The following BOP1 variants were observed in gnomAD, a reference collection of about 807,000 sequenced individuals.
The protein encoded by BOP1 is ribosome biogenesis protein BOP1.
BOP1 carries 54 observed loss-of-function variants against 82.9 expected under a neutral mutation model. The observed-to-expected ratio is 0.65, with a 90% CI of 0.52 to 0.82. BOP1 has a LOEUF of 0.82. Among genes scored for constraint, BOP1 ranks in the 40% least tolerant of loss-of-function variants. The probability of loss-of-function intolerance (pLI) is 0.00; values close to 1 mark genes in which losing one functional copy is unlikely to be tolerated. For synonymous variants in BOP1, 566 were observed against 451.1 expected (o/e 1.25, Z -3.23); for missense variants, 1,170 against 1,072.0 (o/e 1.09, Z -1.28).
intron 2 of BOP1, among the ~76,000 whole-genome samples, chr8:144,280,606 A>G (rs1424662350): frequency 1.3e-5 from 2 of 152,208 alleles, no homozygotes; most frequent in Non-Finnish European, 2.9e-5. Context: ...TCATCCCAGC[A>G]CTTTGGGAGA....
chr8:144,263,107 T>G lies in BOP1; in HGVS notation c.1640A>C (p.Asp547Ala), dbSNP rs1196181982. 3 of 1,593,384 alleles carry G rather than the reference T, an allele frequency of 1.9e-6. No homozygotes were observed. The highest frequency in any genetic ancestry group is 2.5e-6 in the Non-Finnish European group (3 of 1,178,746). ...VTQVTWHGRGDYLAVVLATQG... is the reference protein window; with the variant it reads ...VTQVTWHGRGAYLAVVLATQG... ...GGTGGCCAGCACCACGGCCAGGTAG[T>G]CCCCACGCCCGTGCCAGGTCACCTG... Residue 547 changes from aspartate to alanine, a missense_variant, in exon 13 of 16, where the codon GAC becomes GCC. By Grantham distance (126) the Asp-to-Ala change is moderately radical. Coordinates refer to ENST00000569669, the MANE Select transcript of BOP1 (RefSeq NM_015201.5).
At chr8:144,287,768 G>C (rs1554839622) in intron 2 of BOP1, among the ~76,000 whole-genome samples, 3 of 152,154 alleles carry the variant, frequency 2.0e-5, no homozygotes, top group African/African-American at 7.2e-5. Context: ...GTGTATGTTA[G>C]TGGTATAATT....
intron 2 of BOP1, among the ~76,000 whole-genome samples, chr8:144,280,997 C>T (rs961649505): frequency 1.9e-4 from 28 of 150,460 alleles, no homozygotes; most frequent in African/African-American, 2.9e-4. Context: ...GGCCTTCTCT[C>T]ACTTTCATAC....
intron 2 of BOP1, among the ~76,000 whole-genome samples, chr8:144,279,863 T>C (rs1554838708): frequency 6.6e-6 from 1 of 152,118 alleles, no homozygotes; most frequent in East Asian, 1.9e-4. Flanking sequence ...GTACCCTTCG[T>C]GAACATGGCT....
chr8:144,279,172 G>A (rs587737431), intron 2 of BOP1, among the ~76,000 whole-genome samples: 70 of 141,636 alleles, frequency 4.9e-4, no homozygotes, highest in Admixed American at 1.7e-3. Context: ...CGACCACCAC[G>A]GGTCTCAAGA....
rs959358260 is a variant in BOP1, at chr8:144,267,462, G to A, written c.391-2391C>T. On this transcript the variant is annotated intron_variant, in intron 3 of 15. Coordinates refer to ENST00000569669, the MANE Select transcript of BOP1 (RefSeq NM_015201.5). Reference sequence around the variant, plus strand: ...CAAAGGGGCCCACCCAGGGCGGGGAGGCTGGGGAGCTGGACCAGGCCGCTG... The same window carrying A: ...CAAAGGGGCCCACCCAGGGCGGGGAAGCTGGGGAGCTGGACCAGGCCGCTG... 5.5e-3 allele frequency among the ~76,000 whole-genome samples: 835 copies of A among 152,372 alleles called. 5 individuals carry two copies. Among genetic ancestry groups the A allele is most frequent in the Non-Finnish European group, 9.1e-3 (616 of 68,030 alleles).
chr8:144,268,286 G>A, intron 3 of BOP1: 12 of 1,243,196 alleles, frequency 9.7e-6, no homozygotes, highest in South Asian at 1.4e-5. Flanking sequence ...TGCGAGCGGG[G>A]CCGAGGGACA....
chr8:144,283,519 C>T (rs1814775680), intron 2 of BOP1, among the ~76,000 whole-genome samples: 1 of 152,198 alleles, frequency 6.6e-6, no homozygotes, highest in Non-Finnish European at 1.5e-5. Flanking sequence ...CATTATATGG[C>T]ACAGGCTGGT....
chr8:144,270,385 G>A (rs747984285), intron 3 of BOP1, among the ~76,000 whole-genome samples: 1 of 152,160 alleles, frequency 6.6e-6, no homozygotes, highest in Non-Finnish European at 1.5e-5. Context: ...AGGGAACAAC[G>A]ACCTGGAGGC....
chr8:144,270,099 T>C (rs1483855633), intron 3 of BOP1, among the ~76,000 whole-genome samples: 4 of 151,642 alleles, frequency 2.6e-5, no homozygotes, highest in Non-Finnish European at 5.9e-5. Context: ...TGGGGACAAA[T>C]GGGATGGAAG....
At chr8:144,267,201 G>T in intron 3 of BOP1, 1 of 1,493,166 alleles carries the variant, frequency 6.7e-7, no homozygotes, top group Admixed American at 2.4e-5. Flanking sequence ...GCCGTGGGGC[G>T]CCGAGGGGGG....
intron 2 of BOP1, among the ~76,000 whole-genome samples, chr8:144,288,521 C>G (rs1356430511): frequency 6.6e-6 from 1 of 152,192 alleles, no homozygotes; most frequent in East Asian, 1.9e-4. Flanking sequence ...GAGTGAGACT[C>G]TGTCTCAAAA....
intron 3 of BOP1, among the ~76,000 whole-genome samples, chr8:144,274,296 C>T (rs933381809): frequency 2.0e-5 from 3 of 152,176 alleles, no homozygotes; most frequent in African/African-American, 2.4e-5. Flanking sequence ...TGCCCAGTGC[C>T]GAGGAGGACC....
Position 144,291,388 on chromosome 8 carries a change from C to A in BOP1, c.-18G>T. 1 of 1,179,252 alleles carries A rather than the reference C, an allele frequency of 8.5e-7. No individual in the cohort carries two copies. The highest frequency in any genetic ancestry group is 1.0e-6 in the Non-Finnish European group (1 of 958,586). 73.0% of individuals were successfully genotyped at this position (1,179,252 alleles called of 1,614,324 possible). On this transcript the variant is annotated 5_prime_UTR_variant, in exon 1 of 16. Transcript: ENST00000569669. The surrounding 1 kb of genome is among the most constrained non-coding windows in gnomAD (Gnocchi z 4.1). ...CCCGCCATGCCCCACCGCGCGCCGG[C>A]CGCCACCCGCACAGCCGCTTCCGAC...
intron 2 of BOP1, among the ~76,000 whole-genome samples, chr8:144,280,384 C>T (rs1186786362): frequency 1.3e-5 from 2 of 152,234 alleles, no homozygotes; most frequent in Admixed American, 6.5e-5. Context: ...CTCCAGCAGA[C>T]GGCACCAGCA....
intron 2 of BOP1, among the ~76,000 whole-genome samples, chr8:144,276,930 C>G (rs1845575637): frequency 6.6e-6 from 1 of 152,256 alleles, no homozygotes; most frequent in Non-Finnish European, 1.5e-5. Flanking sequence ...CCACCACGTC[C>G]ACAGCCCAGG....
chr8:144,283,561 C>T (rs1376111404), intron 2 of BOP1, among the ~76,000 whole-genome samples: 1 of 152,220 alleles, frequency 6.6e-6, no homozygotes, highest in East Asian at 1.9e-4. Context: ...GATCCACCTG[C>T]CTTGGCCTCC....
At chr8:144,264,493 C>A (rs1845310569) in intron 6 of BOP1, 22 bp downstream of exon 6, 2 of 1,608,782 alleles carry the variant, frequency 1.2e-6, no homozygotes, top group Non-Finnish European at 1.7e-6. Context: ...CCAGGCCAAG[C>A]CCCAGGGGCT....
intron 2 of BOP1, among the ~76,000 whole-genome samples, chr8:144,276,586 G>A (rs1361984486): frequency 5.9e-5 from 9 of 152,240 alleles, no homozygotes; most frequent in Non-Finnish European, 8.8e-5. Context: ...GGCTAGACAC[G>A]GAAGCCACTG....
Sources: gnomAD v4.1 joint callset for allele counts (sites outside exome capture counted in the v4.1 genomes callset) on GRCh38, gnomAD v4.1.1 for gene constraint, Gnocchi (gnomAD v3.1) non-coding constraint, MANE v1.5 for transcripts, NCBI Gene and HGNC (gene_info 2026-07-23, HGNC 2026-07-21) for gene names.